PPARGC1A: variants seen among roughly 807,000 people sequenced by gnomAD.
The protein encoded by PPARGC1A is PPARG coactivator 1 alpha.
In PPARGC1A, 25 loss-of-function variants were observed where a neutral mutation model predicts 88.7. The ratio of observed to expected loss-of-function variants is 0.28; its 90% CI spans 0.21 to 0.39. The LOEUF (loss-of-function observed/expected upper bound fraction) is 0.39. Ranked by LOEUF, PPARGC1A falls within the 10% of genes least tolerant of loss-of-function variation. PPARGC1A has a pLI of 1.00. For synonymous variants in PPARGC1A, 363 were observed against 355.6 expected (o/e 1.02, Z -0.24); for missense variants, 880 against 968.7 (o/e 0.91, Z 1.22).
At chr4:23,849,142 T>C (rs1728831094) in intron 2 of PPARGC1A, among the ~76,000 whole-genome samples, 1 of 152,078 alleles carries the variant, frequency 6.6e-6, no homozygotes, top group South Asian at 2.1e-4. Context: ...AGACTCCGTC[T>C]CAAAGAAAAA....
At chr4:24,370,748 T>C in the PPARGC1A span, among the ~76,000 whole-genome samples, 8 of 119,560 alleles carry the variant, frequency 6.7e-5, no homozygotes, top group African/African-American at 2.3e-4. Flanking sequence ...CCTGTCTCTC[T>C]CTTTTTTTTT....
At chr4:24,240,365 T>C in the PPARGC1A span, among the ~76,000 whole-genome samples, 7 of 152,270 alleles carry the variant, frequency 4.6e-5, no homozygotes, top group East Asian at 1.4e-3. Flanking sequence ...CAGCCAGAGC[T>C]GATAAGAAAA....
At chr4:24,459,139 T>C in the PPARGC1A span, among the ~76,000 whole-genome samples, 1 of 152,192 alleles carries the variant, frequency 6.6e-6, no homozygotes, top group Non-Finnish European at 1.5e-5. Context: ...AAGCCAAGTT[T>C]AAATTTTTTT....
chr4:24,105,898 C>T, the PPARGC1A span, among the ~76,000 whole-genome samples: 1 of 152,168 alleles, frequency 6.6e-6, no homozygotes. Context: ...CTGTGAGTCA[C>T]TCACAGCCTT....
In PPARGC1A at chr4:23,874,558, TA is replaced by T. The variant is rs60012560; in HGVS notation, c.234+10193del. On this transcript the variant is annotated intron_variant, in intron 2 of 12. Transcript: ENST00000264867. The stretch of plus-strand genomic sequence containing the variant: ...ATGGCAAAGATCACTTTTTTCCCCC[TA>T]AAAAAAAAAAAAGGATATGAGAGAG... Among the ~76,000 whole-genome samples, 1,174 of 139,012 alleles carry T rather than the reference TA, an allele frequency of 8.4e-3. 13 individuals carry two copies. The highest frequency in any genetic ancestry group is 0.022 in the Middle Eastern group (6 of 274). The allele number at this position is 139,012 out of a possible 152,430, so 91.2% of individuals were successfully genotyped here. A position where few individuals can be genotyped will look rare whatever the true frequency, so the allele number is the denominator to read the frequency against.
chr4:24,156,761 T>C, the PPARGC1A span, among the ~76,000 whole-genome samples: 2 of 151,524 alleles, frequency 1.3e-5, no homozygotes, highest in African/African-American at 4.8e-5. Flanking sequence ...TTAACTTTTG[T>C]TTAATCAGAT....
chr4:24,399,319 T>C, the PPARGC1A span, among the ~76,000 whole-genome samples: 8 of 152,228 alleles, frequency 5.3e-5, no homozygotes, highest in African/African-American at 1.7e-4. Flanking sequence ...ACCCACTATA[T>C]AGCCACAATT....
the PPARGC1A span, among the ~76,000 whole-genome samples, chr4:24,328,694 G>A: frequency 6.6e-6 from 1 of 152,160 alleles, no homozygotes; most frequent in Non-Finnish European, 1.5e-5. Flanking sequence ...TTTGCAACTT[G>A]AGGGGTTTTT....
At chr4:24,002,300 G>T in the PPARGC1A span, among the ~76,000 whole-genome samples, 1 of 151,956 alleles carries the variant, frequency 6.6e-6, no homozygotes. Flanking sequence ...GCTGACTTTT[G>T]TATTTTTAGT....
At chr4:23,921,644 C>A in the PPARGC1A span, among the ~76,000 whole-genome samples, 14 of 152,274 alleles carry the variant, frequency 9.2e-5, no homozygotes, top group African/African-American at 3.4e-4. Flanking sequence ...ACGAGACAAG[C>A]GCACTTTGTG....
intron 2 of PPARGC1A, among the ~76,000 whole-genome samples, chr4:23,863,311 A>T (rs1377904961): frequency 6.6e-6 from 1 of 152,154 alleles, no homozygotes; most frequent in Non-Finnish European, 1.5e-5. Context: ...ATAACTTTTA[A>T]GAGTCCCTGG....
the PPARGC1A span, among the ~76,000 whole-genome samples, chr4:24,333,079 A>C: frequency 6.6e-6 from 1 of 152,146 alleles, no homozygotes; most frequent in Non-Finnish European, 1.5e-5. Context: ...CTGTCTCTAC[A>C]AAAACTACAA....
At chr4:24,307,269 C>T in the PPARGC1A span, among the ~76,000 whole-genome samples, 1 of 152,150 alleles carries the variant, frequency 6.6e-6, no homozygotes, top group African/African-American at 2.4e-5. Context: ...CTTGTCAAGA[C>T]ATTTGGGGCA....
the PPARGC1A span, among the ~76,000 whole-genome samples, chr4:24,270,335 G>C: frequency 1.2e-4 from 17 of 143,802 alleles, no homozygotes; most frequent in African/African-American, 3.9e-4. Context: ...CTCTCTCTCT[G>C]TGTGTGTGTG....
the PPARGC1A span, among the ~76,000 whole-genome samples, chr4:23,978,716 G>C: frequency 2.0e-5 from 3 of 152,152 alleles, no homozygotes; most frequent in African/African-American, 4.8e-5. Flanking sequence ...ACATCAAATG[G>C]GGCAGGCTTT....
At chr4:24,146,498 C>G in the PPARGC1A span, among the ~76,000 whole-genome samples, 4 of 152,276 alleles carry the variant, frequency 2.6e-5, no homozygotes, top group Non-Finnish European at 5.9e-5. Context: ...CTCAAGTATC[C>G]CTACACTTGG....
chr4:24,089,096 C>T, the PPARGC1A span, among the ~76,000 whole-genome samples: 3 of 152,210 alleles, frequency 2.0e-5, no homozygotes, highest in African/African-American at 7.2e-5. Context: ...AGTACTGAAT[C>T]AGTTCCAGTA....
At chr4:24,426,062 A>G in the PPARGC1A span, among the ~76,000 whole-genome samples, 3 of 152,230 alleles carry the variant, frequency 2.0e-5, no homozygotes, top group South Asian at 2.1e-4. Flanking sequence ...TAAGTAACAC[A>G]AGCAATCATA....
chr4:23,824,589 A>G (rs11942348), intron 5 of PPARGC1A, 81 bp from the exon 6 acceptor site: 1 of 1,212,368 alleles, frequency 8.2e-7, no homozygotes, highest in Non-Finnish European at 1.2e-6. Flanking sequence ...GTCAAGTTGG[A>G]AAAACAACCA....
Sources: allele counts gnomAD v4.1 joint callset (sites outside exome capture counted in the v4.1 genomes callset), GRCh38; gene constraint gnomAD v4.1.1; transcripts MANE v1.5; gene names NCBI Gene and HGNC (gene_info 2026-07-23, HGNC 2026-07-21).